CENPF: variants seen among roughly 807,000 people sequenced by gnomAD.
CENPF encodes AH antigen.
CENPF carries 214 observed loss-of-function variants against 307.3 expected under a neutral mutation model. The ratio of observed to expected loss-of-function variants is 0.70; its 90% CI spans 0.62 to 0.78. The LOEUF is 0.78. CENPF is among the 30% of genes least tolerant of loss of function. CENPF has a pLI of 0.00. For missense variants in CENPF, 3,401 were observed against 3,483.9 expected, an observed-to-expected ratio of 0.98 and a Z score of 0.60; for synonymous variants, 1,259 against 1,270.6, an observed-to-expected ratio of 0.99 and a Z score of 0.19.
Position 214,647,104 on chromosome 1 carries a change from G to T in CENPF, c.7534G>T (p.Asp2512Tyr). The change falls in exon 13 of 20, where the codon GAT becomes TAT. Residue 2512 changes from aspartate to tyrosine, a missense_variant. Transcript: ENST00000366955. ...GAATGGCCTCATTCAAGAAGTAGAAGATGGCAAGCAGAAACTGGAGAAGAA... is the reference window on the plus strand; with the variant it reads ...GAATGGCCTCATTCAAGAAGTAGAATATGGCAAGCAGAAACTGGAGAAGAA... ...SVNGLIQEVE[D>Y]GKQKLEKKDE... 6.2e-7 allele frequency: 1 copy of T among 1,614,046 alleles called. No individual in the cohort carries two copies. Among genetic ancestry groups the T allele is most frequent in the Non-Finnish European group, 8.5e-7 (1 of 1,179,984 alleles).
chr1:214,640,430 C>T lies in CENPF; in HGVS notation c.2092C>T (p.Leu698=). The T allele has an allele frequency of 6.2e-7, 1 of 1,614,000 alleles. No homozygotes were observed. Among genetic ancestry groups the T allele is most frequent in the Non-Finnish European group, 8.5e-7 (1 of 1,179,984 alleles). The stretch of plus-strand genomic sequence containing the variant: ...GTCAGTGGAGGTAGAGACCCAGAAA[C>T]TAGCTTATATGGAGCTACAGCAGAA... ...SKSVEVETQK[L]AYMELQQKAE... Residue 698 remains leucine, a synonymous_variant, in exon 12 of 20, where the codon CTA becomes TTA. Transcript: ENST00000366955.
At chr1:214,619,737 A>G (rs1235834885) in intron 5 of CENPF, among the ~76,000 whole-genome samples, 2 of 152,202 alleles carry the variant, frequency 1.3e-5, no homozygotes, top group Non-Finnish European at 2.9e-5. Context: ...TTAAGGCTGA[A>G]TTTATAAGTA....
At chr1:214,608,333 A>T (rs902951733) in intron 1 of CENPF, 2 of 1,603,156 alleles carry the variant, frequency 1.2e-6, no homozygotes, top group African/African-American at 2.7e-5. Flanking sequence ...AGGGCCTGCC[A>T]GGCGGCGTCG....
intron 5 of CENPF, 138 bp from the exon 6 acceptor site, chr1:214,620,512 TACTTG>T: frequency 1.2e-6 from 1 of 827,088 alleles, no homozygotes; most frequent in Non-Finnish European, 1.9e-6. Flanking sequence ...ACTTATGGTT[TACTTG>T]ACTTGATGAA....
In CENPF at chr1:214,619,155, A is replaced by G. The variant is rs1558172152; in HGVS notation, c.508A>G (p.Lys170Glu). Residue 170 changes from lysine (K) to glutamate (E), a missense_variant, in exon 5 of 20, where the codon AAA (lysine) becomes GAA (glutamate). By Grantham distance (56) the Lys-to-Glu change is moderately conservative (BLOSUM62 1). Coordinates refer to ENST00000366955, the MANE Select transcript of CENPF (RefSeq NM_016343.4). ...SGSKYEDLKE[K>E]YNKEVEERKR... The stretch of plus-strand genomic sequence containing the variant: ...TTCCAAGTATGAAGATCTAAAAGAA[A>G]AATATAATAAAGAGGTTGAAGAACG... 2 of 1,566,144 alleles carry G rather than the reference A, an allele frequency of 1.3e-6. No homozygotes were observed. The highest frequency in any genetic ancestry group is 2.3e-5 in the South Asian group (2 of 88,270).
rs573583284 is a variant in CENPF, at chr1:214,613,779, A to C, written c.25A>C (p.Lys9Gln). The change falls in exon 2 of 20, where the codon AAA becomes CAA. Residue 9 changes from lysine to glutamine, a missense_variant. By Grantham distance (53) the Lys-to-Gln change is moderately conservative. Transcript: ENST00000366955. The stretch of plus-strand genomic sequence containing the variant: ...AATGAGCTGGGCTTTGGAAGAATGG[A>C]AAGAAGGGCTGCCTACAAGAGCTCT... MSWALEEW[K>Q]EGLPTRALQK... is the part of the protein sequence containing the mutation. The C allele has an allele frequency of 1.7e-5, 27 of 1,607,630 alleles. No homozygotes were observed. The South Asian group carries it at 2.6e-4, about 15-fold the overall frequency.
In CENPF at chr1:214,641,410, T is replaced by C. The variant is rs1658108927; in HGVS notation, c.3072T>C (p.Ile1024=). 1 of 1,576,660 alleles carries C rather than the reference T, an allele frequency of 6.3e-7. No homozygotes were observed. Among genetic ancestry groups the C allele is most frequent in the African/African-American group, 1.4e-5 (1 of 72,460 alleles). The part of the protein sequence containing the change: ...LSDQYKQEKL[I]LLQRCEETGN... Reference sequence around the variant, plus strand: ...ATCAGTACAAGCAAGAAAAACTTATTTTACTACAAAGATGTGAAGAAACCG... The same window carrying C: ...ATCAGTACAAGCAAGAAAAACTTATCTTACTACAAAGATGTGAAGAAACCG... The change falls in exon 12 of 20, where the codon ATT becomes ATC. Residue 1024 remains isoleucine (I), a synonymous_variant. Transcript: ENST00000366955.
At position 214,646,532 on chromosome 1, in the gene CENPF, T is replaced by TA. The variant is rs1658308500; in HGVS notation, c.6963dup (p.Gln2322ThrfsTer7). On this transcript the variant is annotated frameshift_variant, in exon 13 of 20. Coordinates refer to ENST00000366955, the MANE Select transcript of CENPF (RefSeq NM_016343.4). LOFTEE classifies it high-confidence loss of function. ...GATGAAAAGAAGCAGCTCTGTGTCT[T>TA]ACAACAACTGAAGGAAAGTGAGCAT... The TA allele has an allele frequency of 3.7e-6, 6 of 1,614,120 alleles. No homozygotes were observed. The highest frequency in any genetic ancestry group is 5.1e-6 in the Non-Finnish European group (6 of 1,180,020).
chr1:214,651,386 A>T (rs1016048893), intron 14 of CENPF, among the ~76,000 whole-genome samples: 1 of 152,192 alleles, frequency 6.6e-6, no homozygotes, highest in Non-Finnish European at 1.5e-5. Context: ...AATTATTGCA[A>T]TGGAAGTACT....
chr1:214,633,795 A>G (rs936635064), intron 10 of CENPF, among the ~76,000 whole-genome samples: 1 of 152,236 alleles, frequency 6.6e-6, no homozygotes, highest in African/African-American at 2.4e-5. Context: ...TTCAAATGGA[A>G]GTGTTTGTTT....
In CENPF at chr1:214,644,817, G is replaced by A; in HGVS notation, c.5247G>A (p.Leu1749=). 2 of 1,614,054 alleles carry A rather than the reference G, an allele frequency of 1.2e-6. No homozygotes were observed. Among genetic ancestry groups the A allele is most frequent in the Non-Finnish European group, 1.7e-6 (2 of 1,179,996 alleles). The change falls in exon 13 of 20, where the codon TTG becomes TTA. Residue 1749 remains leucine (L), a synonymous_variant. Coordinates refer to ENST00000366955, the MANE Select transcript of CENPF (RefSeq NM_016343.4). ...TQGSSECISE[L]SFSGPNALVP... is the part of the protein sequence containing the mutation. ...GCTCTTCAGAATGCATTTCTGAATTGTCATTTTCTGGTCCTAATGCTTTGG... is the reference window on the plus strand; with the variant it reads ...GCTCTTCAGAATGCATTTCTGAATTATCATTTTCTGGTCCTAATGCTTTGG...
chr1:214,648,621 T>G, intron 13 of CENPF, 54 bp from the exon 14 acceptor site: 1 of 1,587,784 alleles, frequency 6.3e-7, no homozygotes, highest in Non-Finnish European at 8.6e-7. Context: ...GAGTGGTCGA[T>G]CTGATCAAAA....
Position 214,614,898 on chromosome 1 carries a change from G to A in CENPF, c.229G>A (p.Glu77Lys), listed in dbSNP as rs1657293796. 1.2e-6 allele frequency: 2 copies of A among 1,609,736 alleles called. No homozygotes were observed. The highest frequency in any genetic ancestry group is 1.3e-5 in the African/African-American group (1 of 74,708). Residue 77 changes from glutamate (E) to lysine (K), a missense_variant, in exon 3 of 20, where the codon GAA (glutamate) becomes AAA (lysine). By Grantham distance (56) the Glu-to-Lys change is moderately conservative. Coordinates refer to ENST00000366955, the MANE Select transcript of CENPF (RefSeq NM_016343.4). Reference sequence around the variant, plus strand: ...GAATCAAAGATTGATGGAAATATGTGAAAGTCTGGAGAAAACTAAGCAGAA... The same window carrying A: ...GAATCAAAGATTGATGGAAATATGTAAAAGTCTGGAGAAAACTAAGCAGAA... ...RENQRLMEIC[E>K]SLEKTKQKIS...
rs143976001 is a variant in CENPF at position 214,663,607 on chromosome 1, G to A, written c.9158G>A (p.Arg3053Gln). ...GTGTTGCAGGTCAAAGTTGCTCAGC[G>A]GAGCCCAGTAGATTCAGGCACCATC... The part of the protein sequence containing the change: ...SRSQKVKVAQ[R>Q]SPVDSGTILR... Residue 3053 changes from arginine to glutamine, a missense_variant, in exon 20 of 20, where the codon CGG becomes CAG. Coordinates refer to ENST00000366955, the MANE Select transcript of CENPF (RefSeq NM_016343.4). 8.4e-5 allele frequency: 136 copies of A among 1,614,058 alleles called. No individual in the cohort carries two copies. In the African/African-American group the frequency reaches 1.6e-3, roughly 19 times the overall value.
intron 2 of CENPF, among the ~76,000 whole-genome samples, chr1:214,614,138 A>G (rs1369207415): frequency 1.1e-4 from 4 of 36,062 alleles, no homozygotes; most frequent in Admixed American, 7.8e-4. Flanking sequence ...TTTTTATTTT[A>G]ATTGCTTTTA....
intron 7 of CENPF, among the ~76,000 whole-genome samples, chr1:214,624,873 G>C (rs949085868): frequency 6.6e-5 from 10 of 152,134 alleles, no homozygotes; most frequent in Admixed American, 6.6e-4. Context: ...ATTGTTGAGA[G>C]AGAATGTTGG....
At chr1:214,604,733 T>C (rs1176535355) in intron 1 of CENPF, among the ~76,000 whole-genome samples, 5 of 152,304 alleles carry the variant, frequency 3.3e-5, no homozygotes, top group African/African-American at 9.6e-5. Context: ...ATGGAGGATA[T>C]TGAGACAGGG....
In CENPF at chr1:214,613,907, A is replaced by G; in HGVS notation, c.153A>G (p.Gln51=). ...LDSLEAALQK[Q]KQKVENEKTE... ...GTCTCGAGGCTGCGCTGCAGAAGCAAAAACAGAAGGTACCCCTGAAGCTCT... is the reference window on the plus strand; with the variant it reads ...GTCTCGAGGCTGCGCTGCAGAAGCAGAAACAGAAGGTACCCCTGAAGCTCT... The change falls in exon 2 of 20, where the codon CAA becomes CAG. Residue 51 remains glutamine (Q), a synonymous_variant. Transcript: ENST00000366955. 1 of 1,609,046 alleles carries G rather than the reference A, an allele frequency of 6.2e-7. No individual in the cohort carries two copies. The highest frequency in any genetic ancestry group is 8.5e-7 in the Non-Finnish European group (1 of 1,178,632).
chr1:214,650,863 G>A (rs1307279938), intron 14 of CENPF, among the ~76,000 whole-genome samples: 3 of 152,154 alleles, frequency 2.0e-5, no homozygotes, highest in Non-Finnish European at 4.4e-5. Context: ...TCCAGCCTGG[G>A]CAACATAGTG....
Sources: allele counts gnomAD v4.1 joint callset (sites outside exome capture counted in the v4.1 genomes callset), GRCh38; gene constraint gnomAD v4.1.1; transcripts MANE v1.5; gene names NCBI Gene and HGNC (gene_info 2026-07-23, HGNC 2026-07-21).